Variants in CCNQ observed in about 807,000 individuals in gnomAD.
CCNQ encodes the protein cyclin-Q.
In CCNQ, 3 loss-of-function variants were observed where a neutral mutation model predicts 17.7. The ratio of observed to expected loss-of-function variants is 0.17; its 90% CI spans 0.08 to 0.44. The LOEUF (loss-of-function observed/expected upper bound fraction) is 0.44, where lower values mean the gene tolerates loss of function less well. CCNQ is among the 20% of genes least tolerant of loss of function. The pLI is 0.99. For missense variants in CCNQ, 146 were observed against 222.6 expected (o/e 0.66, Z 2.19); for synonymous variants, 73 against 96.0 (o/e 0.76, Z 1.40).
chrX:153,596,261 G>C (rs1334082275), intron 1 of CCNQ, 74 bp from the exon 2 acceptor site: 1 of 1,078,281 alleles, frequency 9.3e-7, no homozygotes, highest in Non-Finnish European at 1.3e-6. Flanking sequence ...GGAGCCATTG[G>C]AATGGGCCCT....
Position 153,599,049 on chromosome X carries a change from C to G in CCNQ, c.25G>C (p.Gly9Arg). 1.9e-6 allele frequency: 2 copies of G among 1,068,079 alleles called. No homozygotes were observed. Among genetic ancestry groups the G allele is most frequent in the Non-Finnish European group, 1.2e-6 (1 of 825,573 alleles). The allele number at this position is 1,068,079 out of a possible 1,213,427, so 88.0% of individuals were successfully genotyped here. A position where few individuals can be genotyped will look rare whatever the true frequency, so the allele number is the denominator to read the frequency against. MEAPEGGGGGPAARGPEGQ... is the reference protein window; with the variant it reads MEAPEGGGRGPAARGPEGQ... ...TCCGGGCCCCGCGCTGCAGGCCCCC[C>G]TCCGCCGCCCTCCGGGGCTTCCATG... is the stretch of plus-strand genomic sequence containing the variant. The change falls in exon 1 of 5, where the codon GGG becomes CGG. Residue 9 changes from glycine (G) to arginine (R), a missense_variant. Coordinates refer to ENST00000576892, the MANE Select transcript of CCNQ (RefSeq NM_152274.5).
chrX:153,589,984 T>C (rs2090979558), intron 4 of CCNQ, among the ~76,000 whole-genome samples: 2 of 110,185 alleles, frequency 1.8e-5, no homozygotes, highest in Non-Finnish European at 3.8e-5. Flanking sequence ...TCCCAGCACT[T>C]TGGGAGGCCG....
intron 1 of CCNQ, among the ~76,000 whole-genome samples, chrX:153,598,724 G>T (rs1197512423): frequency 8.8e-6 from 1 of 113,385 alleles, no homozygotes; most frequent in Non-Finnish European, 1.9e-5. Context: ...CTCGCTGGAG[G>T]CCCAACCCGG....
chrX:153,591,668 C>A (rs1380996306), intron 4 of CCNQ, among the ~76,000 whole-genome samples: 1 of 110,855 alleles, frequency 9.0e-6, no homozygotes, highest in East Asian at 2.8e-4. Context: ...GCAGCCCGAG[C>A]GTGGGGCAAC....
intron 1 of CCNQ, chrX:153,597,584 G>A (rs1485772287): frequency 8.9e-6 from 1 of 111,740 alleles, no homozygotes; most frequent in Non-Finnish European, 1.9e-5. Context: ...AGATAATCTA[G>A]GATGATCTCC....
rs781986201 is a variant in CCNQ at position 153,592,524 on chromosome X, A to G, written c.639T>C (p.Ala213=). 11 of 1,211,358 alleles carry G rather than the reference A, an allele frequency of 9.1e-6. No individual in the cohort carries two copies. The Admixed American group carries it at 2.4e-4, about 26-fold the overall frequency. The change falls in exon 4 of 5, where the codon GCT becomes GCC. Residue 213 remains alanine (A), a synonymous_variant. Coordinates refer to ENST00000576892, the MANE Select transcript of CCNQ (RefSeq NM_152274.5). ...YGVEVPAEVE[A]EKPWWQVFND... is the part of the protein sequence containing the mutation. The stretch of plus-strand genomic sequence containing the variant: ...ACCTCACCTGCCACCACGGCTTCTC[A>G]GCCTCGACCTCGGCGGGCACCTCAA...
intron 4 of CCNQ, among the ~76,000 whole-genome samples, chrX:153,588,798 G>A (rs954376971): frequency 1.8e-5 from 2 of 112,795 alleles, no homozygotes; most frequent in Admixed American, 9.3e-5. Context: ...GGGTCTCTGC[G>A]GACACTGGCA....
chrX:153,595,866 C>T (rs1479092403), intron 2 of CCNQ, 138 bp downstream of exon 2: 1 of 716,751 alleles, frequency 1.4e-6, no homozygotes, highest in African/African-American at 2.1e-5. Context: ...CTGTTTCTGG[C>T]CCTGCCTGGT....
chrX:153,595,129 ACTTTTTG>A (rs1322136532), intron 2 of CCNQ, among the ~76,000 whole-genome samples: 5 of 112,652 alleles, frequency 4.4e-5, no homozygotes, highest in Non-Finnish European at 7.5e-5. Context: ...TTTACTTTTT[ACTTTTTG>A]AGACAGGGTC....
chrX:153,589,784 C>CT (rs1414658307), intron 4 of CCNQ, among the ~76,000 whole-genome samples: 3 of 112,169 alleles, frequency 2.7e-5, no homozygotes, highest in Non-Finnish European at 5.6e-5. Context: ...AGATGGTGAC[C>CT]TGGACGCCCT....
chrX:153,598,955 CG>C lies in CCNQ; in HGVS notation c.112+6del. On this transcript the variant is annotated splice_donor_region_variant and intron_variant, in intron 1 of 4. Coordinates refer to ENST00000576892, the MANE Select transcript of CCNQ (RefSeq NM_152274.5). ...CGCCTGTCCTGGCCTCCCCCGGCCG[CG>C]GTTACCTGCCTCCATGATGAACCTC... 4 of 1,127,661 alleles carry C rather than the reference CG, an allele frequency of 3.5e-6. No homozygotes were observed. Among genetic ancestry groups the C allele is most frequent in the Non-Finnish European group, 3.5e-6 (3 of 852,783 alleles). 92.9% of individuals were successfully genotyped at this position (1,127,661 alleles called of 1,213,427 possible).
chrX:153,591,293 A>G (rs2090989623), intron 4 of CCNQ, among the ~76,000 whole-genome samples: 2 of 111,746 alleles, frequency 1.8e-5, no homozygotes, highest in African/African-American at 6.5e-5. Context: ...CAGAGCCTTT[A>G]AGAAGAGCTG....
Position 153,592,559 on chromosome X carries a change from C to A in CCNQ, c.604G>T (p.Val202Phe), listed in dbSNP as rs781880341. ...AVAVLYLALQVYGVEVPAEVE... is the reference protein window; with the variant it reads ...AVAVLYLALQFYGVEVPAEVE... ...TCGGCGGGCACCTCAACTCCGTAGA[C>A]CTGCAGGGCCAGGTAGAGCACCGCC... The change falls in exon 4 of 5, where the codon GTC (valine) becomes TTC (phenylalanine). Residue 202 changes from valine to phenylalanine, a missense_variant. Physicochemically the swap from Val to Phe is conservative, Grantham distance 50 (BLOSUM62 -1). Coordinates refer to ENST00000576892, the MANE Select transcript of CCNQ (RefSeq NM_152274.5). The A allele has an allele frequency of 1.6e-6, 2 of 1,212,182 alleles. No individual in the cohort carries two copies. The highest frequency in any genetic ancestry group is 2.2e-6 in the Non-Finnish European group (2 of 895,570).
intron 1 of CCNQ, among the ~76,000 whole-genome samples, chrX:153,597,168 A>C (rs2091033878): frequency 9.0e-6 from 1 of 111,412 alleles, no homozygotes; most frequent in African/African-American, 3.3e-5. Context: ...GACATCCACT[A>C]GGCCAAAACA....
chrX:153,599,021 C>A lies in CCNQ; in HGVS notation c.53G>T (p.Gly18Val). 9.0e-6 allele frequency: 10 copies of A among 1,113,824 alleles called. No individual in the cohort carries two copies. The highest frequency in any genetic ancestry group is 1.1e-5 in the Non-Finnish European group (9 of 850,205). The allele number at this position is 1,113,824 out of a possible 1,213,427, so 91.8% of individuals were successfully genotyped here. A position where few individuals can be genotyped will look rare whatever the true frequency, so the allele number is the denominator to read the frequency against. ...GGGPAARGPE[G>V]QPAPEARVHF... ...CACCCTGGCTTCGGGCGCCGGCTGCCCCTCCGGGCCCCGCGCTGCAGGCCC... is the reference window on the plus strand; with the variant it reads ...CACCCTGGCTTCGGGCGCCGGCTGCACCTCCGGGCCCCGCGCTGCAGGCCC... Residue 18 changes from glycine to valine, a missense_variant, in exon 1 of 5, where the codon GGG (glycine) becomes GTG (valine). By Grantham distance (109) the Gly-to-Val change is moderately radical. Transcript: ENST00000576892.
chrX:153,592,144 C>G (rs1440860506), intron 4 of CCNQ, among the ~76,000 whole-genome samples: 1 of 112,433 alleles, frequency 8.9e-6, no homozygotes, highest in African/African-American at 3.2e-5. Context: ...CCATCCAGCC[C>G]TCTCCATAAA....
intron 3 of CCNQ, 54 bp downstream of exon 3, chrX:153,594,493 A>G: frequency 8.3e-7 from 1 of 1,197,683 alleles, no homozygotes; most frequent in Non-Finnish European, 1.1e-6. Flanking sequence ...GGGATAAAGA[A>G]CAGAGACCAT....
At chrX:153,595,140 C>G (rs782240750) in intron 2 of CCNQ, among the ~76,000 whole-genome samples, 1 of 113,360 alleles carries the variant, frequency 8.8e-6, no homozygotes, top group South Asian at 3.6e-4. Context: ...CTTTTTGAGA[C>G]AGGGTCTTGC....
intron 4 of CCNQ, among the ~76,000 whole-genome samples, chrX:153,591,186 G>A (rs781814037): frequency 1.1e-3 from 122 of 112,022 alleles, no homozygotes; most frequent in Non-Finnish European, 1.7e-3. Flanking sequence ...TGGGGGATCA[G>A]GCCCTCGCAC....
Sources: allele counts gnomAD v4.1 joint callset (sites outside exome capture counted in the v4.1 genomes callset), GRCh38; gene constraint gnomAD v4.1.1; transcripts MANE v1.5; gene names NCBI Gene and HGNC (gene_info 2026-07-23, HGNC 2026-07-21).